The following STPG2 variants were observed in gnomAD, a reference collection of about 807,000 sequenced individuals.
STPG2 encodes sperm tail PG-rich repeat containing 2.
In STPG2, 56 loss-of-function variants were observed where a neutral mutation model predicts 54.2. The observed-to-expected ratio is 1.03, with a 90% CI of 0.83 to 1.29. STPG2 has a LOEUF of 1.29. Ranked by LOEUF, STPG2 falls within the 50% of genes most tolerant of loss-of-function variation. STPG2 has a pLI of 0.00. For synonymous variants in STPG2, 200 were observed against 181.8 expected (o/e 1.10, Z -0.81); for missense variants, 596 against 544.9 (o/e 1.09, Z -0.93).
intron 4 of STPG2, among the ~76,000 whole-genome samples, chr4:97,487,187 C>T (rs1224840708): frequency 2.0e-5 from 3 of 149,680 alleles, no homozygotes; most frequent in Non-Finnish European, 4.5e-5. Flanking sequence ...GTCTATACCC[C>T]AATAACCTAT....
intron 8 of STPG2, among the ~76,000 whole-genome samples, chr4:97,848,273 A>G (rs1729030507): frequency 6.6e-6 from 1 of 152,208 alleles, no homozygotes; most frequent in African/African-American, 2.4e-5. Context: ...TTGCATAAAT[A>G]CATAAACATA....
intron 5 of STPG2, among the ~76,000 whole-genome samples, chr4:97,993,596 G>A (rs1177312559): frequency 6.6e-6 from 1 of 150,722 alleles, no homozygotes; most frequent in Admixed American, 6.6e-5. Context: ...GGGTGATACT[G>A]GCTTCATAGA....
At chr4:97,762,564 A>G (rs1725920408) in intron 9 of STPG2, among the ~76,000 whole-genome samples, 2 of 152,168 alleles carry the variant, frequency 1.3e-5, no homozygotes, top group African/African-American at 2.4e-5. Context: ...TATGGGACAC[A>G]TGTAGCTAAA....
intron 9 of STPG2, among the ~76,000 whole-genome samples, chr4:97,781,626 C>CA (rs1206855432): frequency 2.0e-5 from 3 of 151,898 alleles, no homozygotes; most frequent in African/African-American, 4.8e-5. Context: ...AAAGACACAA[C>CA]AAAAAAAGAG....
At chr4:97,872,185 C>T (rs1730014629) in intron 8 of STPG2, among the ~76,000 whole-genome samples, 1 of 151,022 alleles carries the variant, frequency 6.6e-6, no homozygotes, top group African/African-American at 2.4e-5. Context: ...TTACTGATTT[C>T]ACTCAATCAG....
intron 10 of STPG2, among the ~76,000 whole-genome samples, chr4:97,593,407 G>A (rs1304134013): frequency 6.6e-6 from 1 of 152,122 alleles, no homozygotes; most frequent in East Asian, 1.9e-4. Flanking sequence ...CTAGCATCCT[G>A]GTGTCAGCGC....
At chr4:97,606,474 A>AAT (rs796317903) in intron 10 of STPG2, among the ~76,000 whole-genome samples, 2 of 151,874 alleles carry the variant, frequency 1.3e-5, no homozygotes, top group Non-Finnish European at 2.9e-5. Context: ...GGAAAAAACA[A>AAT]ATATATATAG....
At chr4:97,581,918 A>G (rs1261622820) in intron 10 of STPG2, among the ~76,000 whole-genome samples, 1 of 152,008 alleles carries the variant, frequency 6.6e-6, no homozygotes, top group East Asian at 1.9e-4. Context: ...TCCTACATCT[A>G]GTAGCTCTAG....
chr4:97,742,367 T>TAATAA (rs908749274), intron 9 of STPG2, among the ~76,000 whole-genome samples: 30 of 150,332 alleles, frequency 2.0e-4, no homozygotes, highest in Non-Finnish European at 3.6e-4. Flanking sequence ...AGTATAATAA[T>TAATAA]AATAAAATAA....
intron 4 of STPG2, among the ~76,000 whole-genome samples, chr4:97,455,463 CCAG>C (rs1729491398): frequency 6.6e-6 from 1 of 152,192 alleles, no homozygotes; most frequent in East Asian, 1.9e-4. Context: ...CCAGCAGACA[CCAG>C]CAGATGTTGG....
intron 10 of STPG2, among the ~76,000 whole-genome samples, chr4:97,680,108 A>G (rs1054139612): frequency 1.9e-4 from 29 of 151,584 alleles, no homozygotes; most frequent in African/African-American, 3.9e-4. Flanking sequence ...TTGGCAATGC[A>G]GGCTCTTTTT....
chr4:97,706,373 G>C (rs1044426882), intron 10 of STPG2, among the ~76,000 whole-genome samples: 9 of 152,170 alleles, frequency 5.9e-5, no homozygotes, highest in African/African-American at 1.9e-4. Flanking sequence ...TGTAGGTCCT[G>C]AGGTAGAGCC....
intron 5 of STPG2, among the ~76,000 whole-genome samples, chr4:98,036,833 G>T (rs568439739): frequency 1.3e-5 from 2 of 151,938 alleles, no homozygotes; most frequent in Admixed American, 6.6e-5. Flanking sequence ...AAGACACAAA[G>T]ATTAAAGGTA....
intron 4 of STPG2, among the ~76,000 whole-genome samples, chr4:97,539,937 A>T (rs898562023): frequency 2.0e-5 from 3 of 152,202 alleles, no homozygotes; most frequent in African/African-American, 7.2e-5. Flanking sequence ...ATGAGAATAA[A>T]GACACAACAT....
At chr4:97,821,218 A>C (rs1728081168) in intron 9 of STPG2, among the ~76,000 whole-genome samples, 1 of 152,210 alleles carries the variant, frequency 6.6e-6, no homozygotes, top group Admixed American at 6.5e-5. Context: ...AAAGGGCTCC[A>C]GCCTCTACAC....
intron 10 of STPG2, among the ~76,000 whole-genome samples, chr4:97,588,607 G>A (rs1470594928): frequency 6.6e-6 from 1 of 151,944 alleles, no homozygotes; most frequent in African/African-American, 2.4e-5. Context: ...GCAATAAAAA[G>A]AAGCTCATAT....
chr4:97,943,178 T>C (rs1227594949), intron 8 of STPG2, among the ~76,000 whole-genome samples: 1 of 152,114 alleles, frequency 6.6e-6, no homozygotes, highest in East Asian at 1.9e-4. Context: ...TAATCCTATT[T>C]ATGAGGTCTC....
intron 9 of STPG2, among the ~76,000 whole-genome samples, chr4:97,726,381 A>G (rs1724625793): frequency 1.3e-5 from 2 of 151,914 alleles, no homozygotes; most frequent in African/African-American, 4.8e-5. Context: ...GAAGCACACA[A>G]TGTGAATGTA....
At chr4:97,681,172 T>G (rs1723022122) in intron 10 of STPG2, among the ~76,000 whole-genome samples, 1 of 151,850 alleles carries the variant, frequency 6.6e-6, no homozygotes, top group Non-Finnish European at 1.5e-5. Flanking sequence ...ATGATGAAAA[T>G]TTTTTTAAAA....
Sources: allele counts gnomAD v4.1 joint callset (sites outside exome capture counted in the v4.1 genomes callset), GRCh38; gene constraint gnomAD v4.1.1; transcripts MANE v1.5; gene names NCBI Gene and HGNC (gene_info 2026-07-23, HGNC 2026-07-21).